CACNB1: variants seen among roughly 807,000 people sequenced by gnomAD.
The protein encoded by CACNB1 is calcium voltage-gated channel auxiliary subunit beta 1.
A neutral mutation model predicts 71.6 loss-of-function variants in CACNB1; 29 were observed. The ratio of observed to expected loss-of-function variants is 0.40; its 90% CI spans 0.30 to 0.55. CACNB1 has a LOEUF of 0.55. Ranked by LOEUF, CACNB1 falls within the 20% of genes least tolerant of loss-of-function variation. The pLI is 0.38. For synonymous variants in CACNB1, 300 were observed against 319.6 expected, an observed-to-expected ratio of 0.94 and a Z score of 0.65; for missense variants, 623 against 801.8, an observed-to-expected ratio of 0.78 and a Z score of 2.69.
chr17:39,177,929 C>T (rs2045629930), intron 12 of CACNB1, 55 bp downstream of exon 12: 21 of 1,413,256 alleles, frequency 1.5e-5, no homozygotes, highest in South Asian at 8.1e-5. Flanking sequence ...CAGAGGAAAC[C>T]AGGACAACCC....
In CACNB1 at chr17:39,184,390, G is replaced by T. The variant is rs1226850508; in HGVS notation, c.730-7C>A. ...TCTGCATCATGTCTGTAACCTGGGGGTGGGGGTTTGTGGGGAGGGAGGGAG... is the reference window on the plus strand; with the variant it reads ...TCTGCATCATGTCTGTAACCTGGGGTTGGGGGTTTGTGGGGAGGGAGGGAG... On this transcript the variant is annotated splice_polypyrimidine_tract_variant and splice_region_variant and intron_variant, in intron 8 of 13. Coordinates refer to ENST00000394303, the MANE Select transcript of CACNB1 (RefSeq NM_000723.5). 6 of 1,395,116 alleles carry T rather than the reference G, an allele frequency of 4.3e-6. No homozygotes were observed. In the South Asian group the frequency reaches 6.2e-5, roughly 14 times the overall value. The allele number at this position is 1,395,116 out of a possible 1,614,324, so 86.4% of individuals were successfully genotyped here.
intron 11 of CACNB1, among the ~76,000 whole-genome samples, chr17:39,179,225 A>G (rs751098423): frequency 1.3e-5 from 2 of 149,430 alleles, no homozygotes; most frequent in Non-Finnish European, 3.0e-5. Context: ...AGCTTGCAGT[A>G]AGCCGAGATG....
At chr17:39,191,701 C>G (rs1209511589) in intron 2 of CACNB1, 108 bp from the exon 3 acceptor site, 1 of 1,089,530 alleles carries the variant, frequency 9.2e-7, no homozygotes, top group African/African-American at 1.6e-5. Context: ...CCCCAGCCAG[C>G]CCAGCATGAC....
At chr17:39,181,281 G>C (rs2045752640) in intron 11 of CACNB1, among the ~76,000 whole-genome samples, 1 of 151,678 alleles carries the variant, frequency 6.6e-6, no homozygotes, top group Admixed American at 6.6e-5. Context: ...TTTAGTAGAG[G>C]CAGGGTTTCA....
intron 8 of CACNB1, 73 bp from the exon 9 acceptor site, chr17:39,184,456 T>A: frequency 1.2e-6 from 1 of 860,712 alleles, no homozygotes; most frequent in Non-Finnish European, 1.9e-6. Flanking sequence ...TCTGAGTCGC[T>A]GGGTATTTGT....
At chr17:39,179,087 A>T (rs1478459093) in intron 11 of CACNB1, among the ~76,000 whole-genome samples, 1 of 151,696 alleles carries the variant, frequency 6.6e-6, no homozygotes, top group Non-Finnish European at 1.5e-5. Context: ...AAGTCAGGAG[A>T]TCGAGACCAT....
At chr17:39,177,572 G>A (rs1315594774) in intron 12 of CACNB1, 37 bp from the exon 13 acceptor site, 1 of 1,534,854 alleles carries the variant, frequency 6.5e-7, no homozygotes, top group Non-Finnish European at 8.8e-7. Context: ...GCTGGGATGA[G>A]TGGGGCATGG....
intron 2 of CACNB1, chr17:39,193,910 G>A (rs1407823555): frequency 6.4e-6 from 1 of 155,734 alleles, no homozygotes; most frequent in East Asian, 1.9e-4. Flanking sequence ...GTCAGACTGA[G>A]GCTCACATGT....
chr17:39,183,867 G>T lies in CACNB1; in HGVS notation c.899-3C>A, dbSNP rs201100371. On this transcript the variant is annotated splice_polypyrimidine_tract_variant and splice_region_variant and intron_variant, in intron 10 of 13. Transcript: ENST00000394303. Reference sequence around the variant, plus strand: ...CTCGATTTCACTCTGCACCTCAGCTGGGGGCATGGAGTCATGTGGATGGGG... The same window carrying T: ...CTCGATTTCACTCTGCACCTCAGCTTGGGGCATGGAGTCATGTGGATGGGG... 61 of 1,612,054 alleles carry T rather than the reference G, an allele frequency of 3.8e-5. No individual in the cohort carries two copies. Among genetic ancestry groups the T allele is most frequent in the Non-Finnish European group, 5.1e-5 (60 of 1,178,496 alleles).
chr17:39,187,333 A>C, intron 4 of CACNB1, 146 bp downstream of exon 4: 1 of 885,242 alleles, frequency 1.1e-6, no homozygotes, highest in Non-Finnish European at 1.7e-6. Flanking sequence ...TAGAAAATTA[A>C]GAGGCTCAGA....
At chr17:39,177,616 G>A in intron 12 of CACNB1, 81 bp from the exon 13 acceptor site, 2 of 1,139,562 alleles carry the variant, frequency 1.8e-6, no homozygotes, top group Non-Finnish European at 2.5e-6. Context: ...TGGGTGCAGT[G>A]GGTAGAGTCA....
chr17:39,189,972 G>A (rs11868145), intron 3 of CACNB1, among the ~76,000 whole-genome samples: 50,812 of 151,146 alleles, frequency 0.34, 10,735 homozygotes, highest in African/African-American at 0.61. Context: ...AAAATTAGCC[G>A]GGCATGGTGG....
intron 11 of CACNB1, chr17:39,178,398 T>A (rs957333087): frequency 5.8e-5 from 12 of 207,530 alleles, no homozygotes; most frequent in Admixed American, 1.1e-4. Context: ...TTTTTTTTTT[T>A]AAATTTTAGA....
intron 9 of CACNB1, 90 bp downstream of exon 9, chr17:39,184,235 C>A: frequency 1.5e-6 from 2 of 1,293,024 alleles, no homozygotes; most frequent in East Asian, 2.4e-5. Context: ...TTCCTCAGTC[C>A]GAGTCCCAGG....
chr17:39,175,636 C>A lies in CACNB1; in HGVS notation c.1354G>T (p.Asp452Tyr). The change falls in exon 14 of 14, where the codon GAC (aspartate) becomes TAC (tyrosine). Residue 452 changes from aspartate (D) to tyrosine (Y), a missense_variant. Asp to Tyr is a radical substitution (Grantham distance 160). Coordinates refer to ENST00000394303, the MANE Select transcript of CACNB1 (RefSeq NM_000723.5). The surrounding 1 kb of genome is among the most constrained non-coding windows in gnomAD (Gnocchi z 4.7). The stretch of plus-strand genomic sequence containing the variant: ...CCGGTGGCCCGTTCCAGTGGCTGGT[C>A]CCCGGAAGCAAGGTAGGGTCCCTGG... ...NLQGPYLASGDQPLERATGEH... is the reference protein window; with the variant it reads ...NLQGPYLASGYQPLERATGEH... 7 of 1,570,686 alleles carry A rather than the reference C, an allele frequency of 4.5e-6. No homozygotes were observed. The highest frequency in any genetic ancestry group is 1.2e-5 in the South Asian group (1 of 84,076).
chr17:39,191,753 C>G, intron 2 of CACNB1, 160 bp from the exon 3 acceptor site: 1 of 655,694 alleles, frequency 1.5e-6, no homozygotes, highest in Middle Eastern at 3.9e-4. Flanking sequence ...TGGAAGGGAC[C>G]AGGAGCTGAG....
At position 39,194,447 on chromosome 17, in the gene CACNB1, C is replaced by A. The variant is rs145197117; in HGVS notation, c.171+437G>T. Among the ~76,000 whole-genome samples, 1,099 of 152,260 alleles carry A rather than the reference C, an allele frequency of 7.2e-3. 10 individuals carry two copies. Among genetic ancestry groups the A allele is most frequent in the Non-Finnish European group, 0.011 (779 of 68,012 alleles). On this transcript the variant is annotated intron_variant, in intron 2 of 13. Coordinates refer to ENST00000394303, the MANE Select transcript of CACNB1 (RefSeq NM_000723.5). This position sits in a 1 kb window ranked among gnomAD's most constrained non-coding sequence, Gnocchi z 4.6. ...GAGGTGAGGAGCGTGTTTCCCTGGC[C>A]AGGACCTCACCAGGACTACAGGGAC...
At chr17:39,195,828 G>A (rs1335752136) in intron 1 of CACNB1, among the ~76,000 whole-genome samples, 1 of 152,096 alleles carries the variant, frequency 6.6e-6, no homozygotes, top group Admixed American at 6.5e-5. Flanking sequence ...AATGTCCCTC[G>A]GCCCCGCACC....
rs193148148 is a variant in CACNB1 at position 39,194,735 on chromosome 17, G to A, written c.171+149C>T. ...GCCGCTGACAGCACATCCAGAAGAG[G>A]TCATGGGGTGTCAGGGTGATGGGGT... is the stretch of plus-strand genomic sequence containing the variant. On this transcript the variant is annotated intron_variant, in intron 2 of 13. Coordinates refer to ENST00000394303, the MANE Select transcript of CACNB1 (RefSeq NM_000723.5). This position sits in a 1 kb window ranked among gnomAD's most constrained non-coding sequence, Gnocchi z 4.6. The A allele has an allele frequency of 5.1e-3, 3,071 of 602,308 alleles. 15 individuals carry two copies. The highest frequency in any genetic ancestry group is 9.0e-3 in the Middle Eastern group (20 of 2,230). The allele number at this position is 602,308 out of a possible 1,614,324, so 37.3% of individuals were successfully genotyped here. A position where few individuals can be genotyped will look rare whatever the true frequency, so the allele number is the denominator to read the frequency against.
Sources: gnomAD v4.1 joint callset for allele counts (sites outside exome capture counted in the v4.1 genomes callset) on GRCh38, gnomAD v4.1.1 for gene constraint, Gnocchi (gnomAD v3.1) non-coding constraint, MANE v1.5 for transcripts, NCBI Gene and HGNC (gene_info 2026-07-23, HGNC 2026-07-21) for gene names.